BCOR: variants seen among roughly 807,000 people sequenced by gnomAD.
The protein encoded by BCOR is BCL-6 corepressor.
In BCOR, 10 loss-of-function variants were observed where a neutral mutation model predicts 86.7. The ratio of observed to expected loss-of-function variants is 0.12; its 90% CI spans 0.07 to 0.20. The LOEUF (loss-of-function observed/expected upper bound fraction) is 0.20, where lower values mean the gene tolerates loss of function less well. BCOR is among the 10% of genes least tolerant of loss of function. The probability of loss-of-function intolerance (pLI) is 1.00; values close to 1 mark genes in which losing one functional copy is unlikely to be tolerated. For synonymous variants in BCOR, 611 were observed against 609.0 expected, an observed-to-expected ratio of 1.00 and a Z score of -0.05; for missense variants, 1,259 against 1,452.1, an observed-to-expected ratio of 0.87 and a Z score of 2.16.
rs758185915 is a variant in BCOR at position 40,063,805 on chromosome X, C to T, written c.3650G>A (p.Arg1217Gln). Residue 1217 changes from arginine (R) to glutamine (Q), a missense_variant, in exon 8 of 15, where the codon CGA becomes CAA. By Grantham distance (43) the Arg-to-Gln change is conservative. Coordinates refer to ENST00000378444, the MANE Select transcript of BCOR (RefSeq NM_001123385.2). Reference protein sequence around the residue: ...KQRHLLHLRERWEQQVSAADG... With the variant: ...KQRHLLHLREQWEQQVSAADG... Reference sequence around the variant, plus strand: ...TGCTGCCGACACCTGCTGCTCCCATCGTTCTCTAAGGTGCAGCAAGTGGCG... The same window carrying T: ...TGCTGCCGACACCTGCTGCTCCCATTGTTCTCTAAGGTGCAGCAAGTGGCG... 6 of 1,211,951 alleles carry T rather than the reference C, an allele frequency of 5.0e-6. No individual in the cohort carries two copies. Among genetic ancestry groups the T allele is most frequent in the South Asian group, 3.5e-5 (2 of 57,014 alleles).
intron 10 of BCOR, 32 bp downstream of exon 10, chrX:40,062,107 T>G (rs759788693): frequency 2.4e-5 from 28 of 1,182,378 alleles, no homozygotes; most frequent in Non-Finnish European, 3.2e-5. Flanking sequence ...CCCCCCAGCC[T>G]GCAGCCCCAG....
At chrX:40,142,555 T>C (rs993163182) in intron 1 of BCOR, among the ~76,000 whole-genome samples, 4 of 111,766 alleles carry the variant, frequency 3.6e-5, no homozygotes, top group African/African-American at 1.3e-4. Context: ...TGTTCCTTTC[T>C]GTCCCCACGG....
intron 1 of BCOR, among the ~76,000 whole-genome samples, chrX:40,078,569 G>A (rs956826714): frequency 2.7e-5 from 3 of 112,002 alleles, no homozygotes; most frequent in African/African-American, 9.7e-5. Context: ...CTGGTGAGCC[G>A]CCCCACCAGA....
At chrX:40,115,776 CAAAAA>C (rs745934686) in intron 1 of BCOR, among the ~76,000 whole-genome samples, 2 of 51,123 alleles carry the variant, frequency 3.9e-5, no homozygotes, top group African/African-American at 7.8e-5. Flanking sequence ...GACTGTGTCT[CAAAAA>C]AAAAAAAAAA....
chrX:40,124,379 C>G, intron 1 of BCOR, among the ~76,000 whole-genome samples: 1 of 109,337 alleles, frequency 9.1e-6, no homozygotes, highest in Non-Finnish European at 1.9e-5. Flanking sequence ...CTCAAGCAAT[C>G]CTCCCGCCTC....
In BCOR at chrX:40,139,381, T is replaced by A. The variant is rs767523610; in HGVS notation, c.-41+37626A>T. Among the ~76,000 whole-genome samples the A allele has an allele frequency of 4.1e-3, 127 of 30,871 alleles. 1 individual carries two copies. Among genetic ancestry groups the A allele is most frequent in the Non-Finnish European group, 6.6e-3 (111 of 16,874 alleles). 26.8% of individuals were successfully genotyped at this position (30,871 alleles called of 115,157 possible). ...ATAAAATTTAAAATATATATATATATATAATATATATACATATATATATAT... is the reference window on the plus strand; with the variant it reads ...ATAAAATTTAAAATATATATATATAAATAATATATATACATATATATATAT... On this transcript the variant is annotated intron_variant, in intron 1 of 14. Transcript: ENST00000342274.
intron 1 of BCOR, among the ~76,000 whole-genome samples, chrX:40,134,698 T>C (rs1355613944): frequency 1.8e-5 from 2 of 111,696 alleles, no homozygotes; most frequent in Non-Finnish European, 3.8e-5. Context: ...AGAAGATGGA[T>C]CAACTCACAC....
intron 1 of BCOR, among the ~76,000 whole-genome samples, chrX:40,110,693 T>C (rs1602230598): frequency 8.1e-5 from 2 of 24,707 alleles, no homozygotes; most frequent in Non-Finnish European, 1.3e-4. Context: ...TTTTTTTTTT[T>C]TTTTTTTTTT....
intron 1 of BCOR, among the ~76,000 whole-genome samples, chrX:40,143,628 G>A (rs1937973215): frequency 1.8e-5 from 2 of 112,929 alleles, no homozygotes; most frequent in Non-Finnish European, 3.7e-5. Flanking sequence ...AAAAGCCAAA[G>A]AGGGGATTCT....
intron 1 of BCOR, among the ~76,000 whole-genome samples, chrX:40,140,136 C>T (rs989087309): frequency 3.7e-5 from 4 of 109,561 alleles, no homozygotes; most frequent in African/African-American, 1.3e-4. Context: ...GGCAGAAACA[C>T]ACCATCAGAC....
rs375342424 is a variant in BCOR, at chrX:40,074,891, G to A, written c.455C>T (p.Pro152Leu). The A allele has an allele frequency of 2.6e-5, 32 of 1,208,947 alleles. No homozygotes were observed. The East Asian group carries it at 3.9e-4, about 15-fold the overall frequency. Residue 152 changes from proline to leucine, a missense_variant, in exon 4 of 15, where the codon CCG (proline) becomes CTG (leucine). Physicochemically the swap from Pro to Leu is moderately conservative, Grantham distance 98. This residue lies in a region of BCOR where 174 missense variants were observed against 189.3 expected (regional missense o/e 0.92). Transcript: ENST00000378444. ...TACAGCACTTTTTTGTATTCCAGGCGGTGTTTTGTATATAGCACTGAAGCC... is the reference window on the plus strand; with the variant it reads ...TACAGCACTTTTTTGTATTCCAGGCAGTGTTTTGTATATAGCACTGAAGCC... ...PNGFSAIYKT[P>L]PGIQKSAVAT... is the part of the protein sequence containing the mutation.
Position 40,080,718 on chromosome X carries a change from A to G in BCOR, c.-40-2749T>C, listed in dbSNP as rs140222216. On this transcript the variant is annotated intron_variant, in intron 1 of 14. Coordinates refer to ENST00000378444, the MANE Select transcript of BCOR (RefSeq NM_001123385.2). The stretch of plus-strand genomic sequence containing the variant: ...CTCCTCCTTTGGGGCTTTCCATATT[A>G]ATGGCGCACAGATAAATGATACCAG... Among the ~76,000 whole-genome samples the G allele has an allele frequency of 3.7e-3, 411 of 110,142 alleles. 1 individual carries two copies. Among genetic ancestry groups the G allele is most frequent in the Middle Eastern group, 0.019 (4 of 216 alleles).
At chrX:40,062,102 C>G in intron 10 of BCOR, 37 bp downstream of exon 10, 1 of 1,180,289 alleles carries the variant, frequency 8.5e-7, no homozygotes, top group African/African-American at 1.8e-5. Flanking sequence ...CCCCGCCCCC[C>G]AGCCTGCAGC....
Position 40,149,522 on chromosome X carries a change from C to G in BCOR, c.-41+27485G>C, listed in dbSNP as rs148763776. 3.6e-3 allele frequency among the ~76,000 whole-genome samples: 403 copies of G among 111,236 alleles called. 1 individual carries two copies. The highest frequency in any genetic ancestry group is 0.013 in the African/African-American group (386 of 30,525). ...CAGCTTCCTGATATGCTTAACTGCG[C>G]CATTCCCAGGTCAAGCTAAAGGGAA... On this transcript the variant is annotated intron_variant, in intron 1 of 14. Transcript: ENST00000342274.
intron 1 of BCOR, among the ~76,000 whole-genome samples, chrX:40,126,961 A>T (rs1937551846): frequency 8.9e-6 from 1 of 112,261 alleles, no homozygotes; most frequent in Non-Finnish European, 1.9e-5. Context: ...TCTCAGAAGG[A>T]ACCAACCCTG....
chrX:40,105,687 T>G (rs1431663728), intron 1 of BCOR, among the ~76,000 whole-genome samples: 1 of 112,316 alleles, frequency 8.9e-6, no homozygotes. Context: ...GGCTGCCTAC[T>G]GTTGTGTGCA....
In BCOR at chrX:40,064,449, A is replaced by G; in HGVS notation, c.3389T>C (p.Leu1130Pro). 6.6e-6 allele frequency: 8 copies of G among 1,211,903 alleles called. No individual in the cohort carries two copies. Among genetic ancestry groups the G allele is most frequent in the Non-Finnish European group, 8.9e-6 (8 of 895,478 alleles). ...GACTTTGCGTTTCCTGTCCACCCGG[A>G]GGGTGGGGCTGTGAGGCATGTCCGA... ...VASDMPHSPTLRVDRKRKVSG... is the reference protein window; with the variant it reads ...VASDMPHSPTPRVDRKRKVSG... The change falls in exon 7 of 15, where the codon CTC becomes CCC. Residue 1130 changes from leucine (L) to proline (P), a missense_variant. Physicochemically the swap from Leu to Pro is moderately conservative, Grantham distance 98. This residue lies in a region of BCOR where 305 missense variants were observed against 286.1 expected (regional missense o/e 1.07). Transcript: ENST00000378444.
intron 1 of BCOR, among the ~76,000 whole-genome samples, chrX:40,095,668 C>T (rs1478045585): frequency 8.9e-6 from 1 of 112,322 alleles, no homozygotes; most frequent in Non-Finnish European, 1.9e-5. Flanking sequence ...ATTTGAAGCG[C>T]GTTGGTTTCT....
intron 1 of BCOR, among the ~76,000 whole-genome samples, chrX:40,087,075 C>A (rs192857985): frequency 1.8e-5 from 2 of 113,337 alleles, no homozygotes; most frequent in Non-Finnish European, 3.7e-5. Flanking sequence ...TGTGGAGACT[C>A]GCAGGGTTGG....
Sources: gnomAD v4.1 joint callset for allele counts (sites outside exome capture counted in the v4.1 genomes callset) on GRCh38, gnomAD v4.1.1 for gene constraint, gnomAD v4.1.1 regional missense constraint, MANE v1.5 for transcripts, NCBI Gene and HGNC (gene_info 2026-07-23, HGNC 2026-07-21) for gene names.